Variants in SLC22A4 observed in about 807,000 individuals in gnomAD.
SLC22A4 encodes the protein solute carrier family 22 member 4.
In SLC22A4, 39 loss-of-function variants were observed where a neutral mutation model predicts 56.6. The ratio of observed to expected loss-of-function variants is 0.69; its 90% CI spans 0.53 to 0.90. SLC22A4 has a LOEUF of 0.90. Ranked by LOEUF, SLC22A4 falls within the 40% of genes least tolerant of loss-of-function variation. The pLI is 0.00. For missense variants in SLC22A4, 594 were observed against 696.5 expected, an observed-to-expected ratio of 0.85 and a Z score of 1.66; for synonymous variants, 241 against 281.4, an observed-to-expected ratio of 0.86 and a Z score of 1.44.
chr5:132,327,659 G>A (rs1019889065), intron 5 of SLC22A4, among the ~76,000 whole-genome samples: 1 of 152,232 alleles, frequency 6.6e-6, no homozygotes, highest in Non-Finnish European at 1.5e-5. Context: ...TATTTTGCAA[G>A]TTTATCATCA....
chr5:132,342,988 T>A (rs971675581), intron 9 of SLC22A4, among the ~76,000 whole-genome samples: 8 of 152,168 alleles, frequency 5.3e-5, no homozygotes, highest in African/African-American at 1.9e-4. Flanking sequence ...AATCCAGGCT[T>A]AGTCTTCTGG....
chr5:132,335,737 C>A, intron 7 of SLC22A4, 81 bp from the exon 8 acceptor site: 1 of 1,199,784 alleles, frequency 8.3e-7, no homozygotes, highest in Non-Finnish European at 1.2e-6. Flanking sequence ...CCCACTGAAG[C>A]AAAAAGGACA....
At chr5:132,303,192 T>C (rs1749944941) in intron 1 of SLC22A4, among the ~76,000 whole-genome samples, 1 of 152,124 alleles carries the variant, frequency 6.6e-6, no homozygotes, top group African/African-American at 2.4e-5. Flanking sequence ...GAAATACAAA[T>C]CAATTAGCAC....
At chr5:132,342,444 T>C (rs1182258470) in intron 9 of SLC22A4, among the ~76,000 whole-genome samples, 1 of 152,238 alleles carries the variant, frequency 6.6e-6, no homozygotes, top group Non-Finnish European at 1.5e-5. Flanking sequence ...GCAAGGGTTT[T>C]TCTTCTTGAC....
chr5:132,294,397 T>A lies in SLC22A4; in HGVS notation c.-220T>A. 1 of 625,424 alleles carries A rather than the reference T, an allele frequency of 1.6e-6. No homozygotes were observed. Among genetic ancestry groups the A allele is most frequent in the South Asian group, 1.9e-5 (1 of 52,354 alleles). 38.7% of individuals were successfully genotyped at this position (625,424 alleles called of 1,614,324 possible). ...CCGGGGATGGGGGTGTGGTCCCAAG[T>A]GTACAGTGGCATCAAGCTCAGCGCG... On this transcript the variant is annotated 5_prime_UTR_variant, in exon 1 of 10. Transcript: ENST00000200652. The surrounding 1 kb of genome is among the most constrained non-coding windows in gnomAD (Gnocchi z 5.6).
chr5:132,313,889 G>C, intron 3 of SLC22A4, 121 bp downstream of exon 3: 1 of 1,091,234 alleles, frequency 9.2e-7, no homozygotes, highest in African/African-American at 1.5e-5. Flanking sequence ...TGTCTTGGGA[G>C]GGAGCCGTAG....
chr5:132,315,646 A>G (rs1334070497), intron 3 of SLC22A4, among the ~76,000 whole-genome samples: 1 of 152,148 alleles, frequency 6.6e-6, no homozygotes. Context: ...GGCCAAGGGG[A>G]AAGTAAGGCC....
At chr5:132,342,378 A>G (rs1244725901) in intron 9 of SLC22A4, among the ~76,000 whole-genome samples, 1 of 152,236 alleles carries the variant, frequency 6.6e-6, no homozygotes, top group Non-Finnish European at 1.5e-5. Flanking sequence ...GTCCACATTA[A>G]TAAGGAAATG....
chr5:132,294,579 C>T lies in SLC22A4; in HGVS notation c.-38C>T. Reference sequence around the variant, plus strand: ...GACACTGTCCTGAGAACGCTGTCATCACCCGTAGTTGCAAGTTTCGGAGCG... The same window carrying T: ...GACACTGTCCTGAGAACGCTGTCATTACCCGTAGTTGCAAGTTTCGGAGCG... On this transcript the variant is annotated 5_prime_UTR_variant, in exon 1 of 10. Coordinates refer to ENST00000200652, the MANE Select transcript of SLC22A4 (RefSeq NM_003059.3). The surrounding 1 kb of genome is among the most constrained non-coding windows in gnomAD (Gnocchi z 5.6). 1 of 1,613,982 alleles carries T rather than the reference C, an allele frequency of 6.2e-7. No homozygotes were observed. Among genetic ancestry groups the T allele is most frequent in the Non-Finnish European group, 8.5e-7 (1 of 1,179,992 alleles).
chr5:132,298,541 C>G (rs1455867997), intron 1 of SLC22A4, among the ~76,000 whole-genome samples: 1 of 152,094 alleles, frequency 6.6e-6, no homozygotes, highest in South Asian at 2.1e-4. Context: ...AGATTGATTG[C>G]ACAACAGTGT....
At chr5:132,339,372 T>C (rs931223357) in intron 8 of SLC22A4, among the ~76,000 whole-genome samples, 1 of 152,048 alleles carries the variant, frequency 6.6e-6, no homozygotes, top group Non-Finnish European at 1.5e-5. Context: ...CAATCTGATG[T>C]AGGATCTGAC....
At chr5:132,317,675 G>A (rs1012999612) in intron 3 of SLC22A4, among the ~76,000 whole-genome samples, 1 of 152,110 alleles carries the variant, frequency 6.6e-6, no homozygotes, top group Non-Finnish European at 1.5e-5. Flanking sequence ...ACCTCTGCTG[G>A]GTCCTATGGT....
At chr5:132,299,059 T>TG (rs1749845494) in intron 1 of SLC22A4, among the ~76,000 whole-genome samples, 1 of 152,234 alleles carries the variant, frequency 6.6e-6, no homozygotes, top group Admixed American at 6.5e-5. Context: ...ACACAGGTAG[T>TG]GGGACTGTCC....
intron 1 of SLC22A4, 79 bp downstream of exon 1, chr5:132,295,088 C>T (rs775993161): frequency 1.9e-4 from 282 of 1,473,772 alleles, no homozygotes; most frequent in Non-Finnish European, 2.5e-4. Flanking sequence ...ACTCCCTGCG[C>T]AGTGCCCGGG....
rs114231481 is a variant in SLC22A4 at position 132,318,590 on chromosome 5, T to C, written c.653-3594T>C. Among the ~76,000 whole-genome samples the C allele has an allele frequency of 4.0e-3, 616 of 152,186 alleles. 3 individuals carry two copies. Among genetic ancestry groups the C allele is most frequent in the African/African-American group, 0.014 (598 of 41,516 alleles). ...CCTCTGTGTGGAATGGGCCCAGCGG[T>C]TCCTGGGGCAGGTACTGCTCTACAT... On this transcript the variant is annotated intron_variant, in intron 3 of 9. Transcript: ENST00000200652.
chr5:132,307,839 CT>C (rs1256141207), intron 1 of SLC22A4, among the ~76,000 whole-genome samples: 1 of 152,046 alleles, frequency 6.6e-6, no homozygotes, highest in Non-Finnish European at 1.5e-5. Flanking sequence ...ACGGGGTTCA[CT>C]TATCTTTATG....
intron 8 of SLC22A4, among the ~76,000 whole-genome samples, chr5:132,337,464 A>T (rs926482235): frequency 6.7e-6 from 1 of 150,006 alleles, no homozygotes; most frequent in Non-Finnish European, 1.5e-5. Context: ...TCTGGTAGAG[A>T]CGGGATTTTG....
At chr5:132,340,529 T>C in intron 8 of SLC22A4, 36 bp from the exon 9 acceptor site, 1 of 1,610,102 alleles carries the variant, frequency 6.2e-7, no homozygotes, top group Non-Finnish European at 8.5e-7. Context: ...AGAGTCCTCC[T>C]ATCTGATTGA....
At chr5:132,339,683 C>A (rs912182250) in intron 8 of SLC22A4, among the ~76,000 whole-genome samples, 4 of 152,264 alleles carry the variant, frequency 2.6e-5, no homozygotes, top group African/African-American at 9.6e-5. Flanking sequence ...CTATTTCAAA[C>A]TATGCTCAGA....
Sources: allele counts gnomAD v4.1 joint callset (sites outside exome capture counted in the v4.1 genomes callset), GRCh38; gene constraint gnomAD v4.1.1; non-coding constraint Gnocchi (gnomAD v3.1); transcripts MANE v1.5; gene names NCBI Gene and HGNC (gene_info 2026-07-23, HGNC 2026-07-21).